The following PKNOX1 variants were observed in gnomAD, a reference collection of about 807,000 sequenced individuals.
The protein encoded by PKNOX1 is homeobox protein PKNOX1.
A neutral mutation model predicts 51.9 loss-of-function variants in PKNOX1; 15 were observed. The observed-to-expected ratio is 0.29, with a 90% CI of 0.19 to 0.45. PKNOX1 has a LOEUF of 0.45. PKNOX1 is among the 20% of genes least tolerant of loss of function. PKNOX1 has a pLI of 1.00. For missense variants in PKNOX1, 462 were observed against 547.5 expected, an observed-to-expected ratio of 0.84 and a Z score of 1.56; for synonymous variants, 219 against 211.1, an observed-to-expected ratio of 1.04 and a Z score of -0.32.
chr21:42,982,753 A>G (rs1254935285), intron 1 of PKNOX1, among the ~76,000 whole-genome samples: 1 of 147,388 alleles, frequency 6.8e-6, no homozygotes, highest in African/African-American at 2.5e-5. Context: ...AAAAAGTTTA[A>G]TAAACATTAA....
rs572667818 is a variant in PKNOX1, at chr21:43,012,008, A to G, written c.352-1060A>G. 8.5e-5 allele frequency among the ~76,000 whole-genome samples: 13 copies of G among 152,306 alleles called. No homozygotes were observed. The South Asian group carries it at 1.9e-3, about 22-fold the overall frequency. The stretch of plus-strand genomic sequence containing the variant: ...CACCCCACTAGGCTGGCAGGGACCA[A>G]GGTTCTCTTGACTGGTGAGTGTTTA... On this transcript the variant is annotated intron_variant, in intron 4 of 10. Coordinates refer to ENST00000291547, the MANE Select transcript of PKNOX1 (RefSeq NM_004571.5).
At chr21:42,987,402 AAAATATATAT>A (rs2146233219) in intron 1 of PKNOX1, among the ~76,000 whole-genome samples, 1 of 62,590 alleles carries the variant, frequency 1.6e-5, no homozygotes, top group South Asian at 4.6e-4. Flanking sequence ...AAAAAAAAAA[AAAATATATAT>A]ATATATATAT....
intron 1 of PKNOX1, among the ~76,000 whole-genome samples, chr21:42,990,902 C>G (rs1427553478): frequency 6.6e-6 from 1 of 152,086 alleles, no homozygotes; most frequent in Non-Finnish European, 1.5e-5. Context: ...GTTTCCTCCC[C>G]CCGTAGATAC....
rs867838882 is a variant in PKNOX1 at position 42,987,410 on chromosome 21, T to A, written c.-57+12746T>A. Among the ~76,000 whole-genome samples, 350 of 116,364 alleles carry A rather than the reference T, an allele frequency of 3.0e-3. 3 individuals are homozygous for A. Among genetic ancestry groups the A allele is most frequent in the African/African-American group, 9.7e-3 (273 of 28,190 alleles). 76.3% of individuals were successfully genotyped at this position (116,364 alleles called of 152,430 possible). A position where few individuals can be genotyped will look rare whatever the true frequency, so the allele number is the denominator to read the frequency against. ...AAAAAAAAAAAAAAAAAAAAATATA[T>A]ATATATATATATATATATGTATACT... is the stretch of plus-strand genomic sequence containing the variant. On this transcript the variant is annotated intron_variant, in intron 1 of 10. Coordinates refer to ENST00000291547, the MANE Select transcript of PKNOX1 (RefSeq NM_004571.5).
At chr21:43,003,424 G>A (rs1601286488) in intron 1 of PKNOX1, among the ~76,000 whole-genome samples, 1 of 152,212 alleles carries the variant, frequency 6.6e-6, no homozygotes, top group Non-Finnish European at 1.5e-5. Context: ...ATGTGCGTGT[G>A]TATATGAGCA....
intron 1 of PKNOX1, among the ~76,000 whole-genome samples, chr21:43,000,639 C>G (rs1046468022): frequency 2.6e-5 from 4 of 152,176 alleles, no homozygotes; most frequent in Non-Finnish European, 5.9e-5. Context: ...TGTAATCCAG[C>G]ACTTTGGGAG....
At chr21:43,022,203 G>T (rs1484928973) in intron 8 of PKNOX1, among the ~76,000 whole-genome samples, 3 of 152,188 alleles carry the variant, frequency 2.0e-5, no homozygotes, top group East Asian at 3.9e-4. Flanking sequence ...GGCCATATCC[G>T]CCTGTGTCCC....
At chr21:42,988,736 A>C (rs2059069692) in intron 1 of PKNOX1, among the ~76,000 whole-genome samples, 1 of 151,996 alleles carries the variant, frequency 6.6e-6, no homozygotes, top group Admixed American at 6.6e-5. Context: ...CCACTGGGAC[A>C]GCAGGGCAGG....
rs981754098 is a variant in PKNOX1 at position 43,028,869 on chromosome 21, C to T, written c.1094C>T (p.Ser365Leu). The T allele has an allele frequency of 1.2e-6, 2 of 1,613,984 alleles. No individual in the cohort carries two copies. Among genetic ancestry groups the T allele is most frequent in the African/African-American group, 1.3e-5 (1 of 74,918 alleles). The change falls in exon 10 of 11, where the codon TCG (serine) becomes TTG (leucine). Residue 365 changes from serine to leucine, a missense_variant. By Grantham distance (145) the Ser-to-Leu change is moderately radical. Transcript: ENST00000291547. ...AQPPPSELTM[S>L]EGAVVTITTP... The stretch of plus-strand genomic sequence containing the variant: ...CCACCGCCGAGCGAGCTCACCATGT[C>T]GGAAGGTACAGGTGGCCGGCCAAGG...
intron 3 of PKNOX1, among the ~76,000 whole-genome samples, chr21:43,008,000 G>T (rs918615538): frequency 2.6e-5 from 4 of 151,050 alleles, no homozygotes; most frequent in Non-Finnish European, 5.9e-5. Flanking sequence ...GGAGGCGGAG[G>T]TTGCATTGAG....
Position 42,986,002 on chromosome 21 carries a change from GA to G in PKNOX1, c.-57+11353del, listed in dbSNP as rs376565583. 7.1e-4 allele frequency among the ~76,000 whole-genome samples: 78 copies of G among 110,542 alleles called. No homozygotes were observed. The East Asian group carries it at 9.7e-3, about 14-fold the overall frequency. 72.5% of individuals were successfully genotyped at this position (110,542 alleles called of 152,430 possible). On this transcript the variant is annotated intron_variant, in intron 1 of 10. Coordinates refer to ENST00000291547, the MANE Select transcript of PKNOX1 (RefSeq NM_004571.5). Reference sequence around the variant, plus strand: ...GGCAACAGAGCGAGGCTCTGTCTCAGAAAAAAAAAAAAAAATTAAAAAAAAA... The same window carrying G: ...GGCAACAGAGCGAGGCTCTGTCTCAGAAAAAAAAAAAAAATTAAAAAAAAA...
Position 43,031,937 on chromosome 21 carries a change from C to T in PKNOX1, c.*1836C>T. ...AGGGCAATGGTGCAATCTCAGCTCACTGCAACCTCCACCTCTTATGTTCAA... is the reference window on the plus strand; with the variant it reads ...AGGGCAATGGTGCAATCTCAGCTCATTGCAACCTCCACCTCTTATGTTCAA... On this transcript the variant is annotated 3_prime_UTR_variant, in exon 11 of 11. Transcript: ENST00000291547. 1.1e-5 allele frequency: 3 copies of T among 275,096 alleles called. No individual in the cohort carries two copies. The highest frequency in any genetic ancestry group is 2.2e-5 in the Non-Finnish European group (3 of 133,582). 17.0% of individuals were successfully genotyped at this position (275,096 alleles called of 1,614,324 possible). A position where few individuals can be genotyped will look rare whatever the true frequency, so the allele number is the denominator to read the frequency against.
intron 1 of PKNOX1, among the ~76,000 whole-genome samples, chr21:42,984,364 T>A (rs1379153872): frequency 6.6e-6 from 1 of 152,210 alleles, no homozygotes; most frequent in Admixed American, 6.5e-5. Flanking sequence ...TAAGGTCTCA[T>A]ACACTTTTGT....
intron 7 of PKNOX1, among the ~76,000 whole-genome samples, chr21:43,020,180 G>T (rs1979692465): frequency 6.6e-6 from 1 of 152,270 alleles, no homozygotes; most frequent in East Asian, 1.9e-4. Context: ...TAGTCCTCCT[G>T]CCTTGGCCTC....
intron 9 of PKNOX1, among the ~76,000 whole-genome samples, chr21:43,027,940 C>G (rs796966968): frequency 1.1e-4 from 17 of 152,278 alleles, no homozygotes; most frequent in African/African-American, 3.8e-4. Flanking sequence ...AATGTCCAGC[C>G]TGCCCTGCCA....
chr21:43,001,328 A>T (rs1978742096), intron 1 of PKNOX1, among the ~76,000 whole-genome samples: 1 of 152,058 alleles, frequency 6.6e-6, no homozygotes, highest in South Asian at 2.1e-4. Context: ...TGTTGATAGG[A>T]TTCCCCCGGG....
chr21:42,981,655 G>C (rs1414007227), intron 1 of PKNOX1, among the ~76,000 whole-genome samples: 4 of 152,100 alleles, frequency 2.6e-5, no homozygotes, highest in Non-Finnish European at 5.9e-5. Context: ...GAGCTTCTGG[G>C]CTCAAGTAAT....
chr21:42,987,404 A>AAAAAAAAATATATATATATATATAT, intron 1 of PKNOX1, among the ~76,000 whole-genome samples: 1 of 41,414 alleles, frequency 2.4e-5, no homozygotes, highest in African/African-American at 9.3e-5. Flanking sequence ...AAAAAAAAAA[A>AAAAAAAAATATATATATATATATAT]ATATATATAT....
At chr21:42,975,031 G>A (rs1324745986) in intron 1 of PKNOX1, among the ~76,000 whole-genome samples, 1 of 105,982 alleles carries the variant, frequency 9.4e-6, no homozygotes, top group Non-Finnish European at 2.0e-5. Context: ...TTCGGAGTGC[G>A]GCGCGCGCCC....
Sources: allele counts gnomAD v4.1 joint callset (sites outside exome capture counted in the v4.1 genomes callset), GRCh38; gene constraint gnomAD v4.1.1; transcripts MANE v1.5; gene names NCBI Gene and HGNC (gene_info 2026-07-23, HGNC 2026-07-21).